The following PSD3 variants were observed in gnomAD, a reference collection of about 807,000 sequenced individuals.
PSD3 encodes pleckstrin and Sec7 domain containing 3, also known as PH and SEC7 domain-containing protein 3.
Under a neutral mutation model 105.5 loss-of-function variants are expected in PSD3, and 49 were observed. The observed-to-expected ratio is 0.46, with a 90% confidence interval of 0.37 to 0.59. The LOEUF is 0.59. PSD3 is among the 20% of genes least tolerant of loss of function. The pLI, the probability that PSD3 is intolerant of heterozygous loss-of-function variation, is 0.00. For missense variants in PSD3, 1,561 were observed against 1,263.8 expected, an observed-to-expected ratio of 1.24 and a Z score of -3.57; for synonymous variants, 557 against 457.8, an observed-to-expected ratio of 1.22 and a Z score of -2.77.
At chr8:18,681,027 A>C (rs1468655176) in intron 9 of PSD3, among the ~76,000 whole-genome samples, 1 of 152,224 alleles carries the variant, frequency 6.6e-6, no homozygotes, top group Non-Finnish European at 1.5e-5. Context: ...ACAAGCTGGA[A>C]ACATCAAAGA....
chr8:18,704,120 C>G (rs1057412772), intron 9 of PSD3, among the ~76,000 whole-genome samples: 1 of 152,202 alleles, frequency 6.6e-6, no homozygotes, highest in African/African-American at 2.4e-5. Context: ...TTTCTTTCCT[C>G]TCTTTAAAAC....
chr8:19,003,403 T>A (rs1826502818), intron 1 of PSD3, among the ~76,000 whole-genome samples: 1 of 151,534 alleles, frequency 6.6e-6, no homozygotes, highest in Non-Finnish European at 1.5e-5. Flanking sequence ...AATAAAGAGG[T>A]CAGGTAAGTG....
chr8:18,952,516 T>C (rs1321065836), intron 1 of PSD3, among the ~76,000 whole-genome samples: 3 of 152,220 alleles, frequency 2.0e-5, no homozygotes, highest in African/African-American at 7.2e-5. Context: ...CTTACATCAA[T>C]TTACAAAGAC....
chr8:19,084,801 A>C (rs933314482), upstream of PSD3: 20 of 245,644 alleles, frequency 8.1e-5, no homozygotes, highest in Non-Finnish European at 1.5e-4. Context: ...CCAGCCTGCC[A>C]AGAGGCCTGT....
intron 15 of PSD3, among the ~76,000 whole-genome samples, chr8:18,552,030 G>C (rs866098774): frequency 1.3e-5 from 2 of 152,120 alleles, no homozygotes; most frequent in African/African-American, 4.8e-5. Flanking sequence ...TTTCCTAAAC[G>C]CATTTAAATT....
intron 9 of PSD3, among the ~76,000 whole-genome samples, chr8:18,748,795 C>G (rs1805237528): frequency 6.6e-6 from 1 of 152,022 alleles, no homozygotes; most frequent in Non-Finnish European, 1.5e-5. Flanking sequence ...CAAGCTGGGA[C>G]TGTGCTGAAG....
At chr8:18,624,776 C>G (rs1378600241) in intron 11 of PSD3, among the ~76,000 whole-genome samples, 1 of 151,630 alleles carries the variant, frequency 6.6e-6, no homozygotes, top group Non-Finnish European at 1.5e-5. Context: ...TAATATGCTA[C>G]AAGTATCTTA....
intron 1 of PSD3, among the ~76,000 whole-genome samples, chr8:18,945,252 T>G (rs1223764504): frequency 6.6e-6 from 1 of 152,214 alleles, no homozygotes; most frequent in Non-Finnish European, 1.5e-5. Flanking sequence ...TATCTTGGAT[T>G]AGCCAAGTGA....
chr8:18,612,550 T>C (rs1353685421), intron 11 of PSD3, among the ~76,000 whole-genome samples: 1 of 152,034 alleles, frequency 6.6e-6, no homozygotes, highest in African/African-American at 2.4e-5. Flanking sequence ...GTTGTTGTAT[T>C]TTAGTAGAGA....
intron 4 of PSD3, among the ~76,000 whole-genome samples, chr8:18,821,872 C>CCACACACACACACACA (rs5889830): frequency 3.6e-5 from 5 of 137,406 alleles, no homozygotes; most frequent in Admixed American, 7.2e-5. Context: ...TGCACACACA[C>CCACACACACACACACA]CACACACACA....
intron 4 of PSD3, chr8:18,808,812 C>G: frequency 1.9e-6 from 3 of 1,613,746 alleles, no homozygotes; most frequent in Non-Finnish European, 2.5e-6. Context: ...GCGCCTGGAC[C>G]ATCCTTCCTC....
chr8:18,616,628 C>CTTTTCTTTTTT (rs778581836), intron 11 of PSD3, among the ~76,000 whole-genome samples: 2 of 126,776 alleles, frequency 1.6e-5, no homozygotes, highest in East Asian at 4.4e-4. Flanking sequence ...CTTTTCTTTT[C>CTTTTCTTTTTT]TTTTTTTTTT....
chr8:18,829,919 A>G (rs186815830), intron 4 of PSD3, among the ~76,000 whole-genome samples: 4 of 152,260 alleles, frequency 2.6e-5, no homozygotes, highest in South Asian at 4.1e-4. Flanking sequence ...TCACAACCAT[A>G]CCTTCTTCCC....
intron 15 of PSD3, among the ~76,000 whole-genome samples, chr8:18,554,658 T>C (rs980174758): frequency 6.6e-5 from 10 of 152,058 alleles, no homozygotes; most frequent in African/African-American, 2.4e-4. Flanking sequence ...CAAGCACACA[T>C]AGCAAGGCCT....
At chr8:18,820,501 A>G (rs111280884) in intron 4 of PSD3, among the ~76,000 whole-genome samples, 160 of 152,320 alleles carry the variant, frequency 1.1e-3, no homozygotes, top group Non-Finnish European at 2.0e-3. Context: ...TAACCTATAT[A>G]CACTCTGCTG....
At chr8:19,056,323 G>C (rs934595520) in intron 1 of PSD3, among the ~76,000 whole-genome samples, 3 of 152,194 alleles carry the variant, frequency 2.0e-5, no homozygotes, top group Non-Finnish European at 4.4e-5. Flanking sequence ...GAGCCAGTCA[G>C]AAACTGGGTC....
intron 11 of PSD3, among the ~76,000 whole-genome samples, chr8:18,627,545 T>C (rs1297552112): frequency 6.6e-6 from 1 of 152,034 alleles, no homozygotes; most frequent in East Asian, 1.9e-4. Flanking sequence ...ACATGCCATA[T>C]TGGAAAGAGG....
In PSD3 at chr8:18,818,367, G is replaced by T. The variant is rs566218179; in HGVS notation, c.1635-13469C>A. Among the ~76,000 whole-genome samples the T allele has an allele frequency of 1.4e-3, 206 of 150,510 alleles. 4 individuals carry two copies. The Middle Eastern group carries it at 0.017, about 12-fold the overall frequency. ...AGTAGGGAGCTACTTTTTTTTTTTA[G>T]GGAGCTATACATGATCTTACTTTGC... On this transcript the variant is annotated intron_variant, in intron 4 of 15. Coordinates refer to ENST00000327040, the MANE Select transcript of PSD3 (RefSeq NM_015310.4).
chr8:18,596,108 A>C (rs567597997), intron 12 of PSD3, among the ~76,000 whole-genome samples: 3 of 152,042 alleles, frequency 2.0e-5, no homozygotes, highest in Non-Finnish European at 4.4e-5. Flanking sequence ...AGGAAAATGG[A>C]GAGTTCACAA....
Sources: gnomAD v4.1 joint callset for allele counts (sites outside exome capture counted in the v4.1 genomes callset) on GRCh38, gnomAD v4.1.1 for gene constraint, MANE v1.5 for transcripts, NCBI Gene and HGNC (gene_info 2026-07-23, HGNC 2026-07-21) for gene names.